NEDD4: variants seen among roughly 807,000 people sequenced by gnomAD.
The protein encoded by NEDD4 is NEDD4 E3 ubiquitin protein ligase.
Under a neutral mutation model 144.9 loss-of-function variants are expected in NEDD4, and 99 were observed. The observed-to-expected ratio is 0.68, with a 90% CI of 0.58 to 0.81. The LOEUF (loss-of-function observed/expected upper bound fraction) is 0.81, where lower values mean the gene tolerates loss of function less well. Ranked by LOEUF, NEDD4 falls within the 30% of genes least tolerant of loss-of-function variation. The pLI, the probability that NEDD4 is intolerant of heterozygous loss-of-function variation, is 0.00. For synonymous variants in NEDD4, 318 were observed against 350.6 expected, an observed-to-expected ratio of 0.91 and a Z score of 1.04; for missense variants, 985 against 1,065.9, an observed-to-expected ratio of 0.92 and a Z score of 1.06.
chr15:55,982,270 G>T (rs1214309888), intron 1 of NEDD4, among the ~76,000 whole-genome samples: 1 of 152,030 alleles, frequency 6.6e-6, no homozygotes, highest in Non-Finnish European at 1.5e-5. Context: ...CCATTCCTAG[G>T]TATTTACACA....
chr15:55,843,886 G>GT (rs142706313), intron 18 of NEDD4, among the ~76,000 whole-genome samples: 9,513 of 152,172 alleles, frequency 0.063, 360 homozygotes, highest in Admixed American at 0.1. Context: ...GGAATAAAGG[G>GT]AATAAAAACA....
At position 55,966,515 on chromosome 15, in the gene NEDD4, A is replaced by G. The variant is rs368620459; in HGVS notation, c.77T>C (p.Ile26Thr). Residue 26 changes from isoleucine (I) to threonine (T), a missense_variant, in exon 2 of 29, where the codon ATA becomes ACA. Physicochemically the swap from Ile to Thr is moderately conservative, Grantham distance 89 (BLOSUM62 -1). Coordinates refer to ENST00000435532, the MANE Select transcript of NEDD4 (RefSeq NM_006154.4). The part of the protein sequence containing the change: ...ENSRIVRVRV[I>T]AGIGLAKKDI... Reference sequence around the variant, plus strand: ...CTTCTTGGCAAGGCCTATTCCGGCTATAACTCTTACTCTCACAATTCGTGA... The same window carrying G: ...CTTCTTGGCAAGGCCTATTCCGGCTGTAACTCTTACTCTCACAATTCGTGA... 4 of 1,537,660 alleles carry G rather than the reference A, an allele frequency of 2.6e-6. No homozygotes were observed. The highest frequency in any genetic ancestry group is 2.8e-5 in the African/African-American group (2 of 72,428).
At chr15:55,850,871 G>A (rs560554890) in intron 13 of NEDD4, 129 bp from the exon 14 acceptor site, 6 of 706,910 alleles carry the variant, frequency 8.5e-6, no homozygotes, top group Non-Finnish European at 1.3e-5. Context: ...AATATTTGAG[G>A]CTCATTTTCA....
At chr15:55,973,674 T>C (rs956700641) in intron 1 of NEDD4, among the ~76,000 whole-genome samples, 13 of 152,144 alleles carry the variant, frequency 8.5e-5, no homozygotes, top group Admixed American at 8.5e-4. Flanking sequence ...TGCTCCTGAA[T>C]GATTGGCAGA....
At chr15:55,986,299 G>C (rs35301686) in intron 1 of NEDD4, among the ~76,000 whole-genome samples, 10 of 152,194 alleles carry the variant, frequency 6.6e-5, no homozygotes, top group African/African-American at 1.9e-4. Context: ...ATAATCTTAC[G>C]ATATGTCCCC....
At chr15:55,903,335 T>C (rs1199207943) in intron 5 of NEDD4, among the ~76,000 whole-genome samples, 1 of 152,168 alleles carries the variant, frequency 6.6e-6, no homozygotes, top group Non-Finnish European at 1.5e-5. Context: ...TTAAAATACA[T>C]AATGGAGTTG....
chr15:55,860,022 C>T (rs2034339325), intron 11 of NEDD4, among the ~76,000 whole-genome samples: 3 of 152,204 alleles, frequency 2.0e-5, no homozygotes, highest in Non-Finnish European at 1.5e-5. Context: ...CAAAGTCCTG[C>T]TTCCTAAAAC....
At chr15:55,937,796 T>C (rs1350393193) in intron 4 of NEDD4, among the ~76,000 whole-genome samples, 1 of 152,186 alleles carries the variant, frequency 6.6e-6, no homozygotes, top group Non-Finnish European at 1.5e-5. Flanking sequence ...ATTCCAATGG[T>C]ACTTTTTAAA....
At chr15:55,986,846 C>G (rs13379859) in intron 1 of NEDD4, among the ~76,000 whole-genome samples, 2 of 151,918 alleles carry the variant, frequency 1.3e-5, no homozygotes, top group Non-Finnish European at 2.9e-5. Context: ...CCACCCGTCT[C>G]GGCCTCCCAA....
chr15:55,860,606 A>G (rs1223380472), intron 10 of NEDD4, 32 bp from the exon 11 acceptor site: 1 of 1,613,788 alleles, frequency 6.2e-7, no homozygotes, highest in Non-Finnish European at 8.5e-7. Flanking sequence ...TGAGCCACAC[A>G]TACTTTATTG....
intron 8 of NEDD4, among the ~76,000 whole-genome samples, chr15:55,869,194 A>G (rs971744179): frequency 5.3e-5 from 8 of 152,156 alleles, no homozygotes; most frequent in Non-Finnish European, 7.3e-5. Flanking sequence ...CCCTCCCACC[A>G]TAATAAGAAT....
chr15:55,911,499 T>G (rs1431586978), intron 5 of NEDD4, among the ~76,000 whole-genome samples: 1 of 152,034 alleles, frequency 6.6e-6, no homozygotes, highest in African/African-American at 2.4e-5. Flanking sequence ...CATACACACC[T>G]CTATTTAGCA....
At chr15:55,924,541 C>A (rs1485580468) in intron 5 of NEDD4, 105 bp downstream of exon 5, 1 of 966,550 alleles carries the variant, frequency 1.0e-6, no homozygotes, top group Non-Finnish European at 1.6e-6. Flanking sequence ...TCCATAACCA[C>A]CCCCAAGCCA....
chr15:55,918,109 T>C (rs1327368125), intron 5 of NEDD4, among the ~76,000 whole-genome samples: 1 of 152,152 alleles, frequency 6.6e-6, no homozygotes, highest in Non-Finnish European at 1.5e-5. Flanking sequence ...ATAAACGAAG[T>C]ACATACTTGT....
intron 5 of NEDD4, chr15:55,917,265 AACATTTAACTATGTGAATC>A (rs2036478963): frequency 1.6e-6 from 1 of 624,548 alleles, no homozygotes; most frequent in Non-Finnish European, 2.0e-6. Flanking sequence ...CTACTAAATG[AACATTTAACTATGTGAATC>A]ACAGTGCCTA....
intron 5 of NEDD4, chr15:55,915,406 A>G (rs1353626831): frequency 6.2e-7 from 1 of 1,613,744 alleles, no homozygotes; most frequent in African/African-American, 1.3e-5. Context: ...CCTTTAGAAC[A>G]ATTGTGCTTA....
In NEDD4 at chr15:55,992,365, C is replaced by A. The variant is rs1287344032; in HGVS notation, c.45+1146G>T. On this transcript the variant is annotated intron_variant, in intron 1 of 28. Coordinates refer to ENST00000435532, the MANE Select transcript of NEDD4 (RefSeq NM_006154.4). ...CTGAAATAACTGCATTAACAAATTG[C>A]CCACCCTTTATAAACAAAGAACTCT... Among the ~76,000 whole-genome samples, 10 of 152,256 alleles carry A rather than the reference C, an allele frequency of 6.6e-5. No individual in the cohort carries two copies. The East Asian group carries it at 1.9e-3, about 29-fold the overall frequency.
chr15:55,832,066 A>T (rs2141956520), intron 27 of NEDD4, among the ~76,000 whole-genome samples: 1 of 152,202 alleles, frequency 6.6e-6, no homozygotes, highest in South Asian at 2.1e-4. Context: ...ATCTTACTTT[A>T]CCGAAAACTG....
chr15:55,837,571 A>G (rs1328994811), intron 24 of NEDD4, among the ~76,000 whole-genome samples: 5 of 152,200 alleles, frequency 3.3e-5, no homozygotes, highest in Admixed American at 3.3e-4. Context: ...AGAATGGAAT[A>G]GGGAAAAGGC....
Sources: gnomAD v4.1 joint callset for allele counts (sites outside exome capture counted in the v4.1 genomes callset) on GRCh38, gnomAD v4.1.1 for gene constraint, MANE v1.5 for transcripts, NCBI Gene and HGNC (gene_info 2026-07-23, HGNC 2026-07-21) for gene names.